The following MAP3K1 variants were observed in gnomAD, a reference collection of about 807,000 sequenced individuals.
MAP3K1 encodes MAP/ERK kinase kinase 1.
MAP3K1 carries 36 observed loss-of-function variants against 144.2 expected under a neutral mutation model. That is an observed-to-expected ratio of 0.25 (90% CI 0.19 to 0.33). The LOEUF is 0.33. Ranked by LOEUF, MAP3K1 falls within the 10% of genes least tolerant of loss-of-function variation. The pLI, the probability that MAP3K1 is intolerant of heterozygous loss-of-function variation, is 1.00. For synonymous variants in MAP3K1, 718 were observed against 688.7 expected (o/e 1.04, Z -0.67); for missense variants, 1,650 against 1,881.9 (o/e 0.88, Z 2.28).
intron 2 of MAP3K1, among the ~76,000 whole-genome samples, chr5:56,859,185 T>C (rs1372185534): frequency 9.2e-6 from 1 of 108,606 alleles, no homozygotes; most frequent in African/African-American, 3.4e-5. Flanking sequence ...TATTGTAATA[T>C]AACATTGTAA....
intron 9 of MAP3K1, among the ~76,000 whole-genome samples, 158 bp from the exon 10 acceptor site, chr5:56,874,874 A>T (rs1293462115): frequency 6.6e-6 from 1 of 152,194 alleles, no homozygotes; most frequent in African/African-American, 2.4e-5. Flanking sequence ...CTTCCTTATG[A>T]TGCTTAAGTG....
intron 1 of MAP3K1, among the ~76,000 whole-genome samples, chr5:56,820,999 T>TA (rs1422333746): frequency 6.6e-6 from 1 of 152,074 alleles, no homozygotes; most frequent in Non-Finnish European, 1.5e-5. Context: ...AAAAAGGAGA[T>TA]ACGGGGAGCA....
intron 1 of MAP3K1, among the ~76,000 whole-genome samples, chr5:56,855,418 A>G (rs981484063): frequency 1.2e-4 from 18 of 152,172 alleles, no homozygotes; most frequent in African/African-American, 3.9e-4. Flanking sequence ...TTCAAACCAA[A>G]TGTTATGTAT....
intron 11 of MAP3K1, 59 bp from the exon 12 acceptor site, chr5:56,880,652 A>G: frequency 8.9e-7 from 1 of 1,124,448 alleles, no homozygotes; most frequent in Non-Finnish European, 1.4e-6. Context: ...TACTCCTCTA[A>G]TATTGTATAG....
intron 1 of MAP3K1, among the ~76,000 whole-genome samples, chr5:56,828,150 G>A (rs1160186094): frequency 2.6e-5 from 4 of 152,088 alleles, no homozygotes; most frequent in Admixed American, 1.3e-4. Flanking sequence ...TAGCAAAGGC[G>A]GTTTGTGTAG....
At chr5:56,860,746 G>A (rs1404094086) in intron 3 of MAP3K1, among the ~76,000 whole-genome samples, 1 of 151,876 alleles carries the variant, frequency 6.6e-6, no homozygotes, top group Non-Finnish European at 1.5e-5. Context: ...CCAGCTACTC[G>A]GGGGGCTGAG....
At chr5:56,845,448 G>A (rs369715951) in intron 1 of MAP3K1, among the ~76,000 whole-genome samples, 12 of 152,196 alleles carry the variant, frequency 7.9e-5, no homozygotes, top group African/African-American at 2.9e-4. Flanking sequence ...CCAGATAAGG[G>A]CAGGATGCAT....
intron 15 of MAP3K1, among the ~76,000 whole-genome samples, chr5:56,884,180 T>C (rs926918928): frequency 1.3e-5 from 2 of 152,164 alleles, no homozygotes; most frequent in Non-Finnish European, 2.9e-5. Flanking sequence ...AGTATGATTA[T>C]TGTAAGACTA....
intron 9 of MAP3K1, among the ~76,000 whole-genome samples, chr5:56,873,761 G>A (rs1747932507): frequency 6.6e-6 from 1 of 152,080 alleles, no homozygotes. Context: ...TATATCATTA[G>A]GATTTGTTAC....
At chr5:56,869,270 C>G (rs1232086155) in intron 6 of MAP3K1, among the ~76,000 whole-genome samples, 1 of 151,674 alleles carries the variant, frequency 6.6e-6, no homozygotes, top group African/African-American at 2.4e-5. Flanking sequence ...GAACCTGTCT[C>G]AAAAAAATGT....
In MAP3K1 at chr5:56,886,059, C is replaced by T; in HGVS notation, c.4110C>T (p.Val1370=). The T allele has an allele frequency of 6.2e-7, 1 of 1,611,530 alleles. No individual in the cohort carries two copies. Among genetic ancestry groups the T allele is most frequent in the South Asian group, 1.1e-5 (1 of 90,988 alleles). Residue 1370 remains valine, a synonymous_variant, in exon 17 of 20, where the codon GTC becomes GTT. Coordinates refer to ENST00000399503, the MANE Select transcript of MAP3K1 (RefSeq NM_005921.2). ...LHENQIIHRD[V]KGANLLIDST... is the part of the protein sequence containing the mutation. ...AAAACCAAATCATTCACAGAGATGTCAAAGGTGAGAATTCTTCTAATTATT... is the reference window on the plus strand; with the variant it reads ...AAAACCAAATCATTCACAGAGATGTTAAAGGTGAGAATTCTTCTAATTATT...
At position 56,877,918 on chromosome 5, in the gene MAP3K1, T is replaced by C. The variant is rs145487482; in HGVS notation, c.1966-1062T>C. Among the ~76,000 whole-genome samples the C allele has an allele frequency of 4.1e-3, 630 of 152,336 alleles. 4 individuals carry two copies. Among genetic ancestry groups the C allele is most frequent in the Non-Finnish European group, 3.9e-3 (268 of 68,028 alleles). On this transcript the variant is annotated intron_variant, in intron 10 of 19. Coordinates refer to ENST00000399503, the MANE Select transcript of MAP3K1 (RefSeq NM_005921.2). ...TTTCAAAGTTTACTGGCCAGTTATT[T>C]TGTAGAATATCCCTCAATTTGGGTT...
At position 56,864,883 on chromosome 5, in the gene MAP3K1, G is replaced by A. The variant is rs1339000378; in HGVS notation, c.984G>A (p.Leu328=). The A allele has an allele frequency of 6.2e-7, 1 of 1,614,040 alleles. No individual in the cohort carries two copies. Among genetic ancestry groups the A allele is most frequent in the South Asian group, 1.1e-5 (1 of 91,064 alleles). ...AGCAGATAGGGCCTAACTCTTTCCT[G>A]ATTGGAGGAGACAGCCCAGACAATA... ...LLQQIGPNSF[L]IGGDSPDNKY... Residue 328 remains leucine, a synonymous_variant, in exon 4 of 20, where the codon CTG becomes CTA. Transcript: ENST00000399503.
intron 1 of MAP3K1, among the ~76,000 whole-genome samples, chr5:56,829,416 G>C (rs985532373): frequency 6.8e-6 from 1 of 146,424 alleles, no homozygotes; most frequent in Non-Finnish European, 1.5e-5. Context: ...TCCAACTCCT[G>C]GGCTCAAGCA....
rs1310224248 is a variant in MAP3K1, at chr5:56,884,694, C to G, written c.3850C>G (p.Gln1284Glu). 1 of 1,613,492 alleles carries G rather than the reference C, an allele frequency of 6.2e-7. No individual in the cohort carries two copies. The highest frequency in any genetic ancestry group is 2.2e-5 in the East Asian group (1 of 44,794). ...TTATGTCAGAAACACATCTTCTGAG[C>G]AAGAAGAAGTAGTAGAAGCACTAAG... ...VTYVRNTSSE[Q>E]EEVVEALREE... The change falls in exon 16 of 20, where the codon CAA (glutamine) becomes GAA (glutamate). Residue 1284 changes from glutamine (Q) to glutamate (E), a missense_variant. Gln to Glu is a conservative substitution (Grantham distance 29, BLOSUM62 2). Around this residue, in one of 6 missense-constraint regions of MAP3K1, gnomAD observed 165 missense variants for 322.9 expected, o/e 0.51. Transcript: ENST00000399503.
At chr5:56,891,885 T>C (rs945216651) in intron 19 of MAP3K1, among the ~76,000 whole-genome samples, 3 of 152,204 alleles carry the variant, frequency 2.0e-5, no homozygotes, top group Non-Finnish European at 4.4e-5. Flanking sequence ...TTCTGTTCCA[T>C]TGGTCTATAT....
At position 56,815,741 on chromosome 5, in the gene MAP3K1, C is replaced by G. The variant is rs1745926762; in HGVS notation, c.168C>G (p.Asp56Glu). ...GCAGCGGGGGCCGCGAGCGGGCGGA[C>G]TGGCGGCGGCGGCAGCTGCGCAAAG... ...EAGSGGRERA[D>E]WRRRQLRKVR... Residue 56 changes from aspartate (D) to glutamate (E), a missense_variant, in exon 1 of 20, where the codon GAC (aspartate) becomes GAG (glutamate). Physicochemically the swap from Asp to Glu is conservative, Grantham distance 45. Coordinates refer to ENST00000399503, the MANE Select transcript of MAP3K1 (RefSeq NM_005921.2). 2 of 1,354,924 alleles carry G rather than the reference C, an allele frequency of 1.5e-6. No homozygotes were observed. Among genetic ancestry groups the G allele is most frequent in the South Asian group, 1.8e-5 (1 of 54,078 alleles). The allele number at this position is 1,354,924 out of a possible 1,614,324, so 83.9% of individuals were successfully genotyped here. A position where few individuals can be genotyped will look rare whatever the true frequency, so the allele number is the denominator to read the frequency against.
chr5:56,826,837 ACACT>A (rs1159661927), intron 1 of MAP3K1, among the ~76,000 whole-genome samples: 1 of 152,240 alleles, frequency 6.6e-6, no homozygotes, highest in Non-Finnish European at 1.5e-5. Context: ...CCTTCAAGAA[ACACT>A]CAGAGCTGCC....
chr5:56,875,688 A>G (rs1360548123), intron 10 of MAP3K1, among the ~76,000 whole-genome samples: 1 of 151,496 alleles, frequency 6.6e-6, no homozygotes, highest in Admixed American at 6.6e-5. Context: ...TCAGGCTGCT[A>G]AAGCCTAAAA....
Sources: allele counts gnomAD v4.1 joint callset (sites outside exome capture counted in the v4.1 genomes callset), GRCh38; gene constraint gnomAD v4.1.1; regional missense constraint gnomAD v4.1.1; transcripts MANE v1.5; gene names NCBI Gene and HGNC (gene_info 2026-07-23, HGNC 2026-07-21).